Variants in MACROD2 observed in about 807,000 individuals in gnomAD.
MACROD2 encodes the protein ADP-ribose glycohydrolase MACROD2.
Under a neutral mutation model 70.4 loss-of-function variants are expected in MACROD2, and 36 were observed. The observed-to-expected ratio is 0.51, with a 90% CI of 0.39 to 0.68. The LOEUF is 0.68. Among genes scored for constraint, MACROD2 ranks in the 30% least tolerant of loss-of-function variants. MACROD2 has a pLI of 0.00. For synonymous variants in MACROD2, 172 were observed against 178.8 expected (o/e 0.96, Z 0.30); for missense variants, 496 against 538.4 (o/e 0.92, Z 0.78).
chr20:15,929,074 A>C (rs1157996564), intron 10 of MACROD2, among the ~76,000 whole-genome samples: 1 of 152,154 alleles, frequency 6.6e-6, no homozygotes, highest in Non-Finnish European at 1.5e-5. Context: ...CAACAAAAAT[A>C]TTTATTCTCA....
At chr20:15,726,521 G>A (rs1236060762) in intron 8 of MACROD2, among the ~76,000 whole-genome samples, 1 of 152,098 alleles carries the variant, frequency 6.6e-6, no homozygotes, top group Non-Finnish European at 1.5e-5. Flanking sequence ...TGTGCACGGT[G>A]GCTCAACTAA....
chr20:15,931,015 A>G (rs2065568199), intron 10 of MACROD2, among the ~76,000 whole-genome samples: 1 of 152,158 alleles, frequency 6.6e-6, no homozygotes, highest in Non-Finnish European at 1.5e-5. Context: ...GTCACCTGCA[A>G]ACTTCATGGC....
intron 6 of MACROD2, among the ~76,000 whole-genome samples, chr20:15,282,204 G>T (rs1253775455): frequency 6.6e-6 from 1 of 152,202 alleles, no homozygotes; most frequent in Non-Finnish European, 1.5e-5. Flanking sequence ...GGGAGGGGCT[G>T]CTGTGACAAC....
intron 3 of MACROD2, among the ~76,000 whole-genome samples, chr20:14,171,584 A>G (rs1214320154): frequency 1.3e-5 from 2 of 152,180 alleles, no homozygotes; most frequent in African/African-American, 4.8e-5. Flanking sequence ...TCTGAATTTT[A>G]TTGATTGTTG....
chr20:15,221,631 G>A (rs2076862421), intron 5 of MACROD2, among the ~76,000 whole-genome samples: 1 of 152,212 alleles, frequency 6.6e-6, no homozygotes, highest in South Asian at 2.1e-4. Context: ...GTCTCAAATA[G>A]ATTTGTGCAG....
At chr20:15,782,098 C>T (rs1043389156) in intron 8 of MACROD2, among the ~76,000 whole-genome samples, 1 of 152,006 alleles carries the variant, frequency 6.6e-6, no homozygotes, top group African/African-American at 2.4e-5. Flanking sequence ...AATTTGAAAA[C>T]TTGCATTTTT....
chr20:15,245,297 C>G (rs888768340), intron 6 of MACROD2, among the ~76,000 whole-genome samples: 1 of 152,054 alleles, frequency 6.6e-6, no homozygotes, highest in Non-Finnish European at 1.5e-5. Flanking sequence ...TGCAGAAATA[C>G]CTTTCTATTG....
At chr20:16,034,038 A>G (rs1012342672) in intron 15 of MACROD2, among the ~76,000 whole-genome samples, 2 of 152,088 alleles carry the variant, frequency 1.3e-5, no homozygotes, top group Non-Finnish European at 2.9e-5. Flanking sequence ...GATGAATTTT[A>G]AGAGCAAGTG....
At chr20:15,113,763 A>AGTGTGTGTGTGTGTGTGTGT (rs71340210) in intron 5 of MACROD2, among the ~76,000 whole-genome samples, 81 of 144,232 alleles carry the variant, frequency 5.6e-4, no homozygotes, top group South Asian at 2.9e-3. Flanking sequence ...GTAGTCTTGA[A>AGTGTGTGTGTGTGTGTGTGT]GTGTGTGTGT....
At chr20:14,467,156 G>A (rs553117116) in intron 3 of MACROD2, among the ~76,000 whole-genome samples, 2 of 152,244 alleles carry the variant, frequency 1.3e-5, no homozygotes, top group East Asian at 1.9e-4. Flanking sequence ...AGGCAGGCAG[G>A]CCTCCTTGAG....
At chr20:14,725,272 A>T (rs2071515338) in intron 5 of MACROD2, among the ~76,000 whole-genome samples, 1 of 152,078 alleles carries the variant, frequency 6.6e-6, no homozygotes, top group Admixed American at 6.6e-5. Flanking sequence ...GTGAATCTGG[A>T]GTTAGGGGGC....
intron 8 of MACROD2, among the ~76,000 whole-genome samples, chr20:15,706,607 C>T (rs543849537): frequency 3.2e-4 from 49 of 152,252 alleles, no homozygotes; most frequent in African/African-American, 1.1e-3. Flanking sequence ...AGGAATTTTA[C>T]ACGTCGTTAA....
chr20:15,474,024 T>A (rs77214315), intron 7 of MACROD2, among the ~76,000 whole-genome samples: 7,732 of 152,320 alleles, frequency 0.051, 302 homozygotes, highest in Non-Finnish European at 0.071. Flanking sequence ...GGCAAACTCA[T>A]GCCATTGCGG....
chr20:15,669,210 C>T (rs145556394), intron 8 of MACROD2, among the ~76,000 whole-genome samples: 1,694 of 152,272 alleles, frequency 0.011, 16 homozygotes, highest in East Asian at 0.026. Flanking sequence ...GGTCAAAGTA[C>T]GAATATAATT....
chr20:15,575,266 G>A (rs571653285), intron 8 of MACROD2, among the ~76,000 whole-genome samples: 7 of 152,198 alleles, frequency 4.6e-5, no homozygotes, highest in African/African-American at 9.6e-5. Flanking sequence ...CTCTGCTTCC[G>A]AAATGCATTT....
chr20:15,982,745 A>G (rs553304488), intron 13 of MACROD2, among the ~76,000 whole-genome samples: 4 of 152,360 alleles, frequency 2.6e-5, no homozygotes, highest in African/African-American at 9.6e-5. Context: ...AAGATTTGGT[A>G]TCTAGTTAGT....
chr20:15,876,109 A>ATATATATATATATATATATATATATTTG (rs57817982), intron 9 of MACROD2, among the ~76,000 whole-genome samples: 1 of 124,466 alleles, frequency 8.0e-6, no homozygotes, highest in African/African-American at 3.8e-5. Context: ...ATATATATAT[A>ATATATATATATATATATATATATATTTG]TATGTGTGTA....
intron 5 of MACROD2, among the ~76,000 whole-genome samples, chr20:14,841,418 G>A (rs758619847): frequency 6.6e-6 from 1 of 152,084 alleles, no homozygotes; most frequent in African/African-American, 2.4e-5. Context: ...CACTGTCATG[G>A]AAAAGATAAA....
intron 3 of MACROD2, among the ~76,000 whole-genome samples, chr20:14,346,677 T>C (rs2083067415): frequency 6.6e-6 from 1 of 152,172 alleles, no homozygotes; most frequent in South Asian, 2.1e-4. Flanking sequence ...GAATGGGTGG[T>C]GATGTCTAAG....
Sources: allele counts gnomAD v4.1 joint callset (sites outside exome capture counted in the v4.1 genomes callset), GRCh38; gene constraint gnomAD v4.1.1; transcripts MANE v1.5; gene names NCBI Gene and HGNC (gene_info 2026-07-23, HGNC 2026-07-21).